Variants in PHF24 observed in about 807,000 individuals in gnomAD.
PHF24 encodes Galpha inhibitory interacting protein.
In PHF24, 25 loss-of-function variants were observed where a neutral mutation model predicts 42.6. The ratio of observed to expected loss-of-function variants is 0.59; its 90% CI spans 0.43 to 0.82. The LOEUF (loss-of-function observed/expected upper bound fraction) is 0.82. PHF24 is among the 40% of genes least tolerant of loss of function. The probability of loss-of-function intolerance (pLI) is 0.00; values close to 1 mark genes in which losing one functional copy is unlikely to be tolerated. For missense variants in PHF24, 470 were observed against 538.1 expected (o/e 0.87, Z 1.25); for synonymous variants, 185 against 204.8 (o/e 0.90, Z 0.83).
the PHF24 span, among the ~76,000 whole-genome samples, chr9:34,690,717 T>G: frequency 1.9e-4 from 29 of 152,162 alleles, no homozygotes; most frequent in East Asian, 5.4e-3. Flanking sequence ...AGGCTGGTGT[T>G]AGGAGCCTTA....
At chr9:34,940,144 A>G in the PHF24 span, among the ~76,000 whole-genome samples, 1 of 152,190 alleles carries the variant, frequency 6.6e-6, no homozygotes, top group East Asian at 1.9e-4. Context: ...AATGGGCCCC[A>G]GTGAAACAGT....
the PHF24 span, among the ~76,000 whole-genome samples, chr9:34,801,909 G>A: frequency 2.0e-5 from 3 of 151,764 alleles, no homozygotes; most frequent in African/African-American, 7.3e-5. Context: ...GGGCCTGTTG[G>A]GGGTGGGGGG....
At chr9:34,754,322 A>G in the PHF24 span, among the ~76,000 whole-genome samples, 65 of 152,290 alleles carry the variant, frequency 4.3e-4, 2 homozygotes, top group South Asian at 0.013. Flanking sequence ...GGAGCACTCT[A>G]TAGGAAACAA....
the PHF24 span, among the ~76,000 whole-genome samples, chr9:34,759,555 G>T: frequency 6.6e-6 from 1 of 152,086 alleles, no homozygotes; most frequent in African/African-American, 2.4e-5. Flanking sequence ...CCTCTTCCTC[G>T]CCAATAAGTT....
the PHF24 span, among the ~76,000 whole-genome samples, chr9:34,891,044 G>C: frequency 6.6e-6 from 1 of 152,192 alleles, no homozygotes; most frequent in Non-Finnish European, 1.5e-5. Context: ...GCCCTGGAAA[G>C]AGCCACATAA....
chr9:34,883,191 T>G, the PHF24 span, among the ~76,000 whole-genome samples: 4 of 152,170 alleles, frequency 2.6e-5, no homozygotes, highest in South Asian at 2.1e-4. Flanking sequence ...ATCCCTTCCT[T>G]ACACCTTATA....
chr9:34,922,403 G>A, the PHF24 span: 2 of 1,393,978 alleles, frequency 1.4e-6, no homozygotes, highest in East Asian at 2.3e-5. Flanking sequence ...ACACGGAGAA[G>A]TTAAGGGCCA....
the PHF24 span, among the ~76,000 whole-genome samples, chr9:34,744,237 T>C: frequency 1.3e-5 from 2 of 152,150 alleles, no homozygotes; most frequent in African/African-American, 2.4e-5. Context: ...TGGGTGGTGG[T>C]CAGTGGGGAA....
chr9:34,874,705 G>A, the PHF24 span, among the ~76,000 whole-genome samples: 1 of 152,268 alleles, frequency 6.6e-6, no homozygotes, highest in South Asian at 2.1e-4. Context: ...GAAAGGATCA[G>A]CCTCTCACAT....
the PHF24 span, chr9:34,709,921 G>A: frequency 1.9e-6 from 3 of 1,614,054 alleles, no homozygotes; most frequent in East Asian, 2.2e-5. Context: ...TTCACAGGGA[G>A]CCAGGGGCTG....
At chr9:34,783,219 C>T in the PHF24 span, among the ~76,000 whole-genome samples, 4 of 152,166 alleles carry the variant, frequency 2.6e-5, no homozygotes, top group Non-Finnish European at 5.9e-5. Context: ...CCAGGACCAC[C>T]AGGTTTAGTC....
At chr9:34,838,257 G>A in the PHF24 span, 1 of 649,778 alleles carries the variant, frequency 1.5e-6, no homozygotes, top group Non-Finnish European at 2.8e-6. Context: ...TTGGGGGAGA[G>A]GGGAAGTGGG....
the PHF24 span, among the ~76,000 whole-genome samples, chr9:34,949,056 A>G: frequency 6.6e-6 from 1 of 152,232 alleles, no homozygotes; most frequent in African/African-American, 2.4e-5. Flanking sequence ...CTAAAAGTCA[A>G]ATCCACAAGT....
the PHF24 span, among the ~76,000 whole-genome samples, chr9:34,879,672 C>T: frequency 6.6e-6 from 1 of 152,064 alleles, no homozygotes; most frequent in African/African-American, 2.4e-5. Context: ...TAAAAAGAAA[C>T]AAAACCTCCA....
chr9:34,697,489 T>G, the PHF24 span, among the ~76,000 whole-genome samples: 12 of 152,050 alleles, frequency 7.9e-5, no homozygotes, highest in African/African-American at 2.9e-4. Context: ...CCGGCTGACT[T>G]TTGTATTTTT....
chr9:34,689,485 C>T, the PHF24 span: 29 of 305,048 alleles, frequency 9.5e-5, no homozygotes, highest in East Asian at 4.1e-4. This position sits in a 1 kb window ranked among gnomAD's most constrained non-coding sequence, Gnocchi z 4.1. Context: ...CTATGGGTGC[C>T]AGGTGCCTTT....
At chr9:34,955,641 C>T (rs1300217107), upstream of PHF24, among the ~76,000 whole-genome samples, 6 of 152,200 alleles carry the variant, frequency 3.9e-5, no homozygotes, top group Admixed American at 3.3e-4. Flanking sequence ...CAAGCCACTG[C>T]ACTCCAGCCT....
chr9:34,886,656 A>G, the PHF24 span, among the ~76,000 whole-genome samples: 5 of 152,040 alleles, frequency 3.3e-5, no homozygotes, highest in Non-Finnish European at 7.4e-5. Flanking sequence ...TTTTAACATT[A>G]AAGAGTCCCA....
At chr9:34,769,452 A>G in the PHF24 span, among the ~76,000 whole-genome samples, 38 of 152,188 alleles carry the variant, frequency 2.5e-4, no homozygotes, top group Non-Finnish European at 4.4e-4. Flanking sequence ...TAGATATACC[A>G]TATTCTAAGG....
Sources: gnomAD v4.1 joint callset for allele counts (sites outside exome capture counted in the v4.1 genomes callset) on GRCh38, gnomAD v4.1.1 for gene constraint, Gnocchi (gnomAD v3.1) non-coding constraint, MANE v1.5 for transcripts, NCBI Gene and HGNC (gene_info 2026-07-23, HGNC 2026-07-21) for gene names.